DGKG: variants seen among roughly 807,000 people sequenced by gnomAD.
DGKG encodes the protein diacylglycerol kinase gamma, also known as DAG kinase gamma.
A neutral mutation model predicts 105.3 loss-of-function variants in DGKG; 78 were observed. That is an observed-to-expected ratio of 0.74 (90% CI 0.62 to 0.89). The LOEUF is 0.89. Among genes scored for constraint, DGKG ranks in the 40% least tolerant of loss-of-function variants. The pLI, the probability that DGKG is intolerant of heterozygous loss-of-function variation, is 0.00. For missense variants in DGKG, 958 were observed against 1,020.1 expected (o/e 0.94, Z 0.83); for synonymous variants, 346 against 367.1 (o/e 0.94, Z 0.66).
At chr3:186,320,944 C>T (rs1725046898) in intron 1 of DGKG, among the ~76,000 whole-genome samples, 4 of 152,164 alleles carry the variant, frequency 2.6e-5, no homozygotes, top group Admixed American at 1.3e-4. Context: ...GGGAAATGTT[C>T]CATGTGTCAC....
intron 20 of DGKG, among the ~76,000 whole-genome samples, chr3:186,229,702 C>T (rs1720048476): frequency 6.6e-6 from 1 of 152,194 alleles, no homozygotes; most frequent in Non-Finnish European, 1.5e-5. Flanking sequence ...TCCTGAAAAG[C>T]AGGGGCTGTG....
chr3:186,318,609 C>T (rs536724761), intron 2 of DGKG, among the ~76,000 whole-genome samples: 19 of 152,044 alleles, frequency 1.2e-4, no homozygotes, highest in Non-Finnish European at 2.6e-4. Flanking sequence ...TAAGGTTGTG[C>T]GCCTAGGAAA....
chr3:186,297,066 T>TCACACACACACACACACACACA (rs1352673652), intron 5 of DGKG, among the ~76,000 whole-genome samples: 40 of 123,744 alleles, frequency 3.2e-4, no homozygotes, highest in African/African-American at 3.9e-4. Flanking sequence ...TGTCTGTCTC[T>TCACACACACACACACACACACA]CTCACACACA....
intron 20 of DGKG, among the ~76,000 whole-genome samples, chr3:186,229,838 G>C (rs1365834944): frequency 2.6e-5 from 4 of 152,220 alleles, no homozygotes; most frequent in African/African-American, 9.6e-5. Flanking sequence ...ATCCTGAAGA[G>C]AGTCAGACTC....
intron 1 of DGKG, among the ~76,000 whole-genome samples, chr3:186,360,632 A>G (rs1727182857): frequency 6.6e-6 from 1 of 152,200 alleles, no homozygotes; most frequent in Non-Finnish European, 1.5e-5. Context: ...CCAAACCTCG[A>G]CATTTGCCCT....
At chr3:186,180,437 T>C (rs141275401) in intron 22 of DGKG, among the ~76,000 whole-genome samples, 1 of 152,170 alleles carries the variant, frequency 6.6e-6, no homozygotes, top group Non-Finnish European at 1.5e-5. Flanking sequence ...AGAGTCCCAG[T>C]GCACACACCC....
chr3:186,261,872 T>C, intron 14 of DGKG, 94 bp from the exon 15 acceptor site: 3 of 785,988 alleles, frequency 3.8e-6, no homozygotes, highest in Non-Finnish European at 6.1e-6. Context: ...GAGAGGCAGA[T>C]GAGAAGCAGG....
intron 2 of DGKG, among the ~76,000 whole-genome samples, chr3:186,317,313 T>C (rs1724864807): frequency 6.6e-6 from 1 of 152,252 alleles, no homozygotes; most frequent in South Asian, 2.1e-4. Flanking sequence ...ACATTCCTAC[T>C]GTCTGAGTGC....
At chr3:186,348,329 T>G (rs1726442934) in intron 1 of DGKG, among the ~76,000 whole-genome samples, 1 of 151,882 alleles carries the variant, frequency 6.6e-6, no homozygotes, top group African/African-American at 2.4e-5. Context: ...GTAAATACAT[T>G]TTTTAATAAA....
At chr3:186,196,430 C>A (rs1444317732) in intron 21 of DGKG, among the ~76,000 whole-genome samples, 1 of 152,252 alleles carries the variant, frequency 6.6e-6, no homozygotes, top group Non-Finnish European at 1.5e-5. Context: ...TGAGCCACTG[C>A]GCCCAGCCTT....
intron 8 of DGKG, 123 bp from the exon 9 acceptor site, chr3:186,280,096 T>C (rs1722761811): frequency 7.7e-7 from 1 of 1,291,164 alleles, no homozygotes; most frequent in Non-Finnish European, 1.1e-6. Context: ...TCCCCTCCTG[T>C]TAAGTGTGAA....
Position 186,148,978 on chromosome 3 carries a change from A to AT in DGKG, c.*1111_*1112insA, listed in dbSNP as rs1560070929. 1.5e-5 allele frequency: 9 copies of AT among 601,578 alleles called. No individual in the cohort carries two copies. The highest frequency in any genetic ancestry group is 1.8e-4 in the East Asian group (1 of 5,582). The allele number at this position is 601,578 out of a possible 1,614,324, so 37.3% of individuals were successfully genotyped here. ...AAATATTTATATATATATATATATAAATATATAGGCTAAATATATATATAT... is the reference window on the plus strand; with the variant it reads ...AAATATTTATATATATATATATATAATATATATAGGCTAAATATATATATAT... On this transcript the variant is annotated 3_prime_UTR_variant, in exon 25 of 25. Coordinates refer to ENST00000265022, the MANE Select transcript of DGKG (RefSeq NM_001346.3).
In DGKG at chr3:186,205,085, C is replaced by T. The variant is rs192682253; in HGVS notation, c.1917+6710G>A. 7.9e-5 allele frequency among the ~76,000 whole-genome samples: 12 copies of T among 151,026 alleles called. No homozygotes were observed. The East Asian group carries it at 1.2e-3, about 15-fold the overall frequency. On this transcript the variant is annotated intron_variant, in intron 21 of 24. Coordinates refer to ENST00000265022, the MANE Select transcript of DGKG (RefSeq NM_001346.3). ...CAGCCTGGCCAACATGGCGAAACCC[C>T]GTCTCTACTAAAAATATAAAAATTA...
At chr3:186,312,850 C>A (rs1265211183) in intron 2 of DGKG, among the ~76,000 whole-genome samples, 3 of 152,226 alleles carry the variant, frequency 2.0e-5, no homozygotes, top group African/African-American at 7.2e-5. Flanking sequence ...GGCCTCAGAG[C>A]AGCACGTGGG....
intron 17 of DGKG, among the ~76,000 whole-genome samples, chr3:186,256,932 A>G (rs1157988427): frequency 1.3e-5 from 2 of 151,998 alleles, no homozygotes; most frequent in Non-Finnish European, 2.9e-5. Context: ...CTGACATACT[A>G]TGTCTCACTT....
chr3:186,314,327 G>T (rs1408732648), intron 2 of DGKG, among the ~76,000 whole-genome samples: 2 of 151,928 alleles, frequency 1.3e-5, no homozygotes, highest in African/African-American at 4.8e-5. Flanking sequence ...AGGGACTTTT[G>T]GTTCTAATTT....
At chr3:186,162,778 G>A (rs1436576207) in intron 23 of DGKG, among the ~76,000 whole-genome samples, 1 of 151,954 alleles carries the variant, frequency 6.6e-6, no homozygotes, top group Non-Finnish European at 1.5e-5. Context: ...TCCTGACCTC[G>A]TGATCTGCCT....
intron 24 of DGKG, among the ~76,000 whole-genome samples, chr3:186,157,360 T>C (rs1716083515): frequency 6.6e-6 from 1 of 152,178 alleles, no homozygotes. Context: ...TGTTCAATTC[T>C]ACCTACCAAT....
In DGKG at chr3:186,313,390, C is replaced by T. The variant is rs982482824; in HGVS notation, c.68-6413G>A. 5.5e-5 allele frequency: 36 copies of T among 648,910 alleles called. No homozygotes were observed. In the African/African-American group the frequency reaches 6.9e-4, roughly 12 times the overall value. 40.2% of individuals were successfully genotyped at this position (648,910 alleles called of 1,614,324 possible). On this transcript the variant is annotated intron_variant, in intron 2 of 24. Transcript: ENST00000265022. ...TAGCAATAAAACGTTTTTTAAGACA[C>T]AATTTTTTTGTCATAAATGATCTGA...
Sources: allele counts gnomAD v4.1 joint callset (sites outside exome capture counted in the v4.1 genomes callset), GRCh38; gene constraint gnomAD v4.1.1; transcripts MANE v1.5; gene names NCBI Gene and HGNC (gene_info 2026-07-23, HGNC 2026-07-21).